Variants in QSOX1 observed in about 807,000 individuals in gnomAD.
QSOX1 encodes sulfhydryl oxidase 1.
QSOX1 carries 40 observed loss-of-function variants against 76.1 expected under a neutral mutation model. That is an observed-to-expected ratio of 0.53 (90% confidence interval 0.41 to 0.68). The LOEUF is 0.68. QSOX1 is among the 30% of genes least tolerant of loss of function. QSOX1 has a pLI of 0.00. For synonymous variants in QSOX1, 392 were observed against 413.1 expected (o/e 0.95, Z 0.62); for missense variants, 931 against 974.3 (o/e 0.96, Z 0.59).
Position 180,183,943 on chromosome 1 carries a change from C to G in QSOX1, c.780C>G (p.Thr260=). Residue 260 remains threonine, a synonymous_variant, in exon 7 of 12, where the codon ACC becomes ACG. Coordinates refer to ENST00000367602, the MANE Select transcript of QSOX1 (RefSeq NM_002826.5). Reference sequence around the variant, plus strand: ...TCATGGAATCCAGGTCCTTCTATACCGCTTACCTGCAGAGACTCTCTGGGC... The same window carrying G: ...TCATGGAATCCAGGTCCTTCTATACGGCTTACCTGCAGAGACTCTCTGGGC... ...PVLMESRSFY[T]AYLQRLSGLT... is the part of the protein sequence containing the mutation. 1 of 1,613,770 alleles carries G rather than the reference C, an allele frequency of 6.2e-7. No homozygotes were observed. The highest frequency in any genetic ancestry group is 8.5e-7 in the Non-Finnish European group (1 of 1,179,668).
At position 180,199,226 on chromosome 1, in the gene QSOX1, A is replaced by G. The variant is rs1223200981; in HGVS notation, c.*2189A>G. Reference sequence around the variant, plus strand: ...TGATTTCCCCAGGGCTCTCGGCAACATCGATAAACCAGCCTCGCCCACCAG... The same window carrying G: ...TGATTTCCCCAGGGCTCTCGGCAACGTCGATAAACCAGCCTCGCCCACCAG... On this transcript the variant is annotated 3_prime_UTR_variant, in exon 12 of 12. Coordinates refer to ENST00000367602, the MANE Select transcript of QSOX1 (RefSeq NM_002826.5). The G allele has an allele frequency of 2.0e-5, 3 of 152,190 alleles. No homozygotes were observed. Among genetic ancestry groups the G allele is most frequent in the African/African-American group, 7.2e-5 (3 of 41,446 alleles). The allele number at this position is 152,190 out of a possible 1,614,324, so 9.4% of individuals were successfully genotyped here. A position where few individuals can be genotyped will look rare whatever the true frequency, so the allele number is the denominator to read the frequency against.
In QSOX1 at chr1:180,201,473, A is replaced by C. The variant is rs1572059935; in HGVS notation, c.*4436A>C. The C allele has an allele frequency of 1.3e-5, 2 of 150,200 alleles. No individual in the cohort carries two copies. The highest frequency in any genetic ancestry group is 1.5e-5 in the Non-Finnish European group (1 of 67,550). The allele number at this position is 150,200 out of a possible 1,614,324, so 9.3% of individuals were successfully genotyped here. On this transcript the variant is annotated 3_prime_UTR_variant, in exon 12 of 12. Transcript: ENST00000367602. The stretch of plus-strand genomic sequence containing the variant: ...CCTCTTCCCCTTCAACACCCCTTTC[A>C]CCCCTCCCTCCACCACCTCTGAAAG...
In QSOX1 at chr1:180,177,284, G is replaced by A. The variant is rs151068041; in HGVS notation, c.515+1251G>A. On this transcript the variant is annotated intron_variant, in intron 4 of 11. Transcript: ENST00000367602. ...TTTTTTTTTTGGAAGACAGAATCTC[G>A]CTCTGTTGCCCAGGCTGGGAGTGCA... is the stretch of plus-strand genomic sequence containing the variant. Among the ~76,000 whole-genome samples the A allele has an allele frequency of 1.6e-3, 224 of 137,888 alleles. 2 individuals carry two copies. Among genetic ancestry groups the A allele is most frequent in the Admixed American group, 0.014 (171 of 12,630 alleles). The allele number at this position is 137,888 out of a possible 152,430, so 90.5% of individuals were successfully genotyped here. A position where few individuals can be genotyped will look rare whatever the true frequency, so the allele number is the denominator to read the frequency against.
intron 8 of QSOX1, among the ~76,000 whole-genome samples, chr1:180,188,087 A>G (rs1236442693): frequency 6.6e-6 from 1 of 152,116 alleles, no homozygotes; most frequent in African/African-American, 2.4e-5. Flanking sequence ...AGCCCCAGAG[A>G]ACTAAAGCAC....
At position 180,186,060 on chromosome 1, in the gene QSOX1, A is replaced by G. The variant is rs1465255461; in HGVS notation, c.895A>G (p.Ile299Val). 1.2e-6 allele frequency: 2 copies of G among 1,614,094 alleles called. No homozygotes were observed. Among genetic ancestry groups the G allele is most frequent in the Non-Finnish European group, 1.7e-6 (2 of 1,179,964 alleles). Residue 299 changes from isoleucine (I) to valine (V), a missense_variant, in exon 8 of 12, where the codon ATC becomes GTC. Coordinates refer to ENST00000367602, the MANE Select transcript of QSOX1 (RefSeq NM_002826.5). ...TVWKLADRSKIYMADLESALH... is the reference protein window; with the variant it reads ...TVWKLADRSKVYMADLESALH... ...CTCCCTCTGGGTCCTCAGCTCCAAG[A>G]TCTACATGGCTGACCTGGAATCTGC...
At chr1:180,164,624 C>T (rs1007467327) in intron 1 of QSOX1, among the ~76,000 whole-genome samples, 4 of 152,164 alleles carry the variant, frequency 2.6e-5, no homozygotes, top group Non-Finnish European at 5.9e-5. Context: ...CAGGCTCTTC[C>T]TGCATCTGTC....
intron 8 of QSOX1, among the ~76,000 whole-genome samples, chr1:180,187,146 C>G (rs3767174): frequency 0.76 from 115,586 of 152,110 alleles, 44,179 homozygotes; most frequent in Non-Finnish European, 0.78. Context: ...CCAGCCTGAT[C>G]CCTCCTTCCC....
chr1:180,191,456 G>A (rs557825695), intron 10 of QSOX1, among the ~76,000 whole-genome samples: 5 of 152,380 alleles, frequency 3.3e-5, no homozygotes, highest in Admixed American at 6.5e-5. Context: ...AGCAGCCTGT[G>A]TGGAGCCCCG....
chr1:180,191,687 G>A (rs1663318856), intron 10 of QSOX1, among the ~76,000 whole-genome samples: 1 of 152,344 alleles, frequency 6.6e-6, no homozygotes, highest in Non-Finnish European at 1.5e-5. Context: ...GTGCCGGAGC[G>A]GGTGCTGTCT....
At chr1:180,170,608 G>C (rs567840576) in intron 2 of QSOX1, among the ~76,000 whole-genome samples, 1 of 152,296 alleles carries the variant, frequency 6.6e-6, no homozygotes, top group Non-Finnish European at 1.5e-5. Context: ...TGAAAGAAAA[G>C]GGCTGGGTGC....
At chr1:180,172,099 A>G (rs189455236) in intron 2 of QSOX1, among the ~76,000 whole-genome samples, 24 of 152,284 alleles carry the variant, frequency 1.6e-4, no homozygotes, top group African/African-American at 5.5e-4. Flanking sequence ...GCATGGGGAC[A>G]CGGGAAGGAA....
chr1:180,157,745 CT>C (rs945189660), intron 1 of QSOX1, among the ~76,000 whole-genome samples: 21 of 152,194 alleles, frequency 1.4e-4, no homozygotes, highest in African/African-American at 5.1e-4. Context: ...GTTTTGGAAA[CT>C]GGTTGTATCC....
chr1:180,183,799 A>G, intron 6 of QSOX1, 117 bp from the exon 7 acceptor site: 1 of 1,198,606 alleles, frequency 8.3e-7, no homozygotes, highest in East Asian at 2.4e-5. Flanking sequence ...TCTCGTTCAC[A>G]TATTTAATAA....
intron 1 of QSOX1, among the ~76,000 whole-genome samples, chr1:180,156,241 G>A (rs146079831): frequency 1.6e-3 from 238 of 152,288 alleles, no homozygotes; most frequent in African/African-American, 5.4e-3. Flanking sequence ...ACCTAATCCA[G>A]GTAGTGGGTA....
intron 7 of QSOX1, 126 bp from the exon 8 acceptor site, chr1:180,185,927 C>T (rs989772435): frequency 1.7e-6 from 2 of 1,204,622 alleles, no homozygotes; most frequent in Non-Finnish European, 2.4e-6. Context: ...CCAGTGGTAA[C>T]TTACAAGACT....
In QSOX1 at chr1:180,195,425, T is replaced by A. The variant is rs558458551; in HGVS notation, c.1469-837T>A. 6.6e-5 allele frequency among the ~76,000 whole-genome samples: 10 copies of A among 152,342 alleles called. No homozygotes were observed. In the South Asian group the frequency reaches 2.1e-3, roughly 32 times the overall value. ...GTAACCATTCTGACTTGCATGCCAC[T>A]TGCTGTTGCTGCTCCTGCTTCCTTG... On this transcript the variant is annotated intron_variant, in intron 11 of 11. Transcript: ENST00000367602.
At chr1:180,171,458 A>G (rs3753798) in intron 2 of QSOX1, among the ~76,000 whole-genome samples, 79,911 of 150,904 alleles carry the variant, frequency 0.53, 24,782 homozygotes, top group Non-Finnish European at 0.69. Flanking sequence ...GAGGGGCAGT[A>G]TCCAGACACC....
At chr1:180,157,086 G>A (rs1159495974) in intron 1 of QSOX1, among the ~76,000 whole-genome samples, 1 of 152,200 alleles carries the variant, frequency 6.6e-6, no homozygotes, top group African/African-American at 2.4e-5. Context: ...TTCCAAACAG[G>A]ATTCCCCAGT....
chr1:180,198,521 A>G lies in QSOX1; in HGVS notation c.*1484A>G, dbSNP rs1426205498. ...AATCCGATTTGGTTTTCTCTTTGAC[A>G]TCTTCACTCTGCTCAGATGGCCTGG... On this transcript the variant is annotated 3_prime_UTR_variant, in exon 12 of 12. Coordinates refer to ENST00000367602, the MANE Select transcript of QSOX1 (RefSeq NM_002826.5). The G allele has an allele frequency of 2.5e-6, 1 of 405,804 alleles. No individual in the cohort carries two copies. The highest frequency in any genetic ancestry group is 5.1e-6 in the Non-Finnish European group (1 of 196,032). 25.1% of individuals were successfully genotyped at this position (405,804 alleles called of 1,614,324 possible).
Sources: allele counts gnomAD v4.1 joint callset (sites outside exome capture counted in the v4.1 genomes callset), GRCh38; gene constraint gnomAD v4.1.1; transcripts MANE v1.5; gene names NCBI Gene and HGNC (gene_info 2026-07-23, HGNC 2026-07-21).